Variants in PAPSS2 observed in about 807,000 individuals in gnomAD.
PAPSS2 encodes the protein 3'-phosphoadenosine 5'-phosphosulfate synthase 2.
Under a neutral mutation model 66.5 loss-of-function variants are expected in PAPSS2, and 61 were observed. The ratio of observed to expected loss-of-function variants is 0.92; its 90% CI spans 0.75 to 1.14. PAPSS2 has a LOEUF of 1.14. Among genes scored for constraint, PAPSS2 ranks in the 50% most tolerant of loss-of-function variants. The pLI is 0.00. For synonymous variants in PAPSS2, 289 were observed against 287.5 expected (o/e 1.01, Z -0.05); for missense variants, 708 against 789.6 (o/e 0.90, Z 1.24).
intron 1 of PAPSS2, among the ~76,000 whole-genome samples, chr10:87,664,983 AT>A (rs777184760): frequency 2.6e-5 from 4 of 152,062 alleles, no homozygotes; most frequent in East Asian, 1.9e-4. Flanking sequence ...TCATTAGAGG[AT>A]GTATTTGCTC....
At chr10:87,695,357 C>T (rs573961263) in intron 1 of PAPSS2, among the ~76,000 whole-genome samples, 1 of 152,172 alleles carries the variant, frequency 6.6e-6, no homozygotes, top group Non-Finnish European at 1.5e-5. Flanking sequence ...CCAACCCAAT[C>T]CTATCACATT....
At chr10:87,662,463 A>G (rs1195156925) in intron 1 of PAPSS2, among the ~76,000 whole-genome samples, 1 of 152,190 alleles carries the variant, frequency 6.6e-6, no homozygotes. Flanking sequence ...TGTTTTATGC[A>G]TCTTTACCAT....
intron 1 of PAPSS2, among the ~76,000 whole-genome samples, chr10:87,689,667 C>CAA (rs536306316): frequency 0.16 from 11,628 of 74,234 alleles, 778 homozygotes; most frequent in South Asian, 0.29. Flanking sequence ...AACCTTGTCT[C>CAA]AAAAAAAAAA....
chr10:87,672,459 A>G (rs1189172153), intron 1 of PAPSS2, among the ~76,000 whole-genome samples: 1 of 152,200 alleles, frequency 6.6e-6, no homozygotes, highest in East Asian at 1.9e-4. Flanking sequence ...TTGTACATTC[A>G]AGGTTTTCTA....
chr10:87,693,362 G>A (rs1853194562), intron 1 of PAPSS2, among the ~76,000 whole-genome samples: 1 of 152,200 alleles, frequency 6.6e-6, no homozygotes, highest in African/African-American at 2.4e-5. Context: ...AGTAGCAGCT[G>A]AATGAATTTT....
intron 2 of PAPSS2, among the ~76,000 whole-genome samples, chr10:87,710,399 C>T (rs1440717046): frequency 6.6e-6 from 1 of 152,158 alleles, no homozygotes; most frequent in African/African-American, 2.4e-5. Context: ...TATGCACCAT[C>T]CTTCTGTCAT....
At chr10:87,708,977 A>C (rs1240000423) in intron 1 of PAPSS2, among the ~76,000 whole-genome samples, 1 of 152,228 alleles carries the variant, frequency 6.6e-6, no homozygotes, top group African/African-American at 2.4e-5. Flanking sequence ...AGCTAAGAAA[A>C]ATATATATAC....
chr10:87,701,292 C>A (rs1391472463), intron 1 of PAPSS2, among the ~76,000 whole-genome samples: 1 of 139,030 alleles, frequency 7.2e-6, no homozygotes, highest in Non-Finnish European at 1.6e-5. Flanking sequence ...TTCTTTCTTT[C>A]TTTCTTTTTT....
chr10:87,729,766 G>A (rs1485294137), intron 9 of PAPSS2, among the ~76,000 whole-genome samples: 2 of 152,174 alleles, frequency 1.3e-5, no homozygotes, highest in Non-Finnish European at 2.9e-5. Context: ...GGAGGCCAGG[G>A]TGGGCGGATC....
chr10:87,734,663 GTATATATATATATATATA>G (rs66686947), intron 9 of PAPSS2, among the ~76,000 whole-genome samples: 56 of 81,114 alleles, frequency 6.9e-4, no homozygotes, highest in South Asian at 6.4e-3. Context: ...GAATGTGTGT[GTATATATATATATATATA>G]TATATATATA....
intron 1 of PAPSS2, among the ~76,000 whole-genome samples, chr10:87,677,574 GCC>G (rs1208635996): frequency 6.6e-6 from 1 of 152,168 alleles, no homozygotes; most frequent in East Asian, 1.9e-4. Flanking sequence ...TCTACAGCAA[GCC>G]CTGTAACCAG....
intron 1 of PAPSS2, 31 bp from the exon 2 acceptor site, chr10:87,709,165 A>C (rs566068599): frequency 2.1e-6 from 3 of 1,405,932 alleles, no homozygotes; most frequent in Non-Finnish European, 3.0e-6. Context: ...TTATTAATTA[A>C]TACTGTGCTT....
chr10:87,699,235 T>C (rs1269926093), intron 1 of PAPSS2, among the ~76,000 whole-genome samples: 1 of 146,130 alleles, frequency 6.8e-6, no homozygotes, highest in Admixed American at 6.8e-5. Flanking sequence ...CATTTCATTA[T>C]ATATTTTAAA....
chr10:87,668,567 T>G (rs1331732911), intron 1 of PAPSS2, among the ~76,000 whole-genome samples: 1 of 152,172 alleles, frequency 6.6e-6, no homozygotes, highest in Non-Finnish European at 1.5e-5. Context: ...AGCAATAAAA[T>G]TCCCAATTGA....
At chr10:87,728,489 CA>C (rs1853686972) in intron 9 of PAPSS2, among the ~76,000 whole-genome samples, 1 of 152,142 alleles carries the variant, frequency 6.6e-6, no homozygotes, top group South Asian at 2.1e-4. Context: ...CCTGTAATCC[CA>C]GTACTTTGGG....
chr10:87,690,909 G>A (rs1853164190), intron 1 of PAPSS2, among the ~76,000 whole-genome samples: 1 of 152,100 alleles, frequency 6.6e-6, no homozygotes, highest in Non-Finnish European at 1.5e-5. Flanking sequence ...GCCACTGGTG[G>A]AATCAGTATG....
In PAPSS2 at chr10:87,715,743, G is replaced by A; in HGVS notation, c.765G>A (p.Gln255=). ...TTTGTGTTTTGCAGCTGGATCTCCA[G>A]TGGGTCCAGGTTTTGAGCGAAGGCT... ...PSLSITKLDL[Q]WVQVLSEGWA... Residue 255 remains glutamine, a synonymous_variant, in exon 7 of 13, where the codon CAG becomes CAA. Transcript: ENST00000456849. The A allele has an allele frequency of 6.2e-7, 1 of 1,611,380 alleles. No individual in the cohort carries two copies. The highest frequency in any genetic ancestry group is 1.3e-5 in the African/African-American group (1 of 75,008).
chr10:87,730,565 G>T (rs1564726367), intron 9 of PAPSS2, among the ~76,000 whole-genome samples: 1 of 152,176 alleles, frequency 6.6e-6, no homozygotes, highest in Non-Finnish European at 1.5e-5. Flanking sequence ...TATCAATGTA[G>T]ATTTTCTCTT....
chr10:87,696,877 G>A (rs1040570717), intron 1 of PAPSS2, among the ~76,000 whole-genome samples: 1 of 152,218 alleles, frequency 6.6e-6, no homozygotes, highest in African/African-American at 2.4e-5. Context: ...CAGAAAAGTT[G>A]AGAAGATGGT....
Sources: allele counts gnomAD v4.1 joint callset (sites outside exome capture counted in the v4.1 genomes callset), GRCh38; gene constraint gnomAD v4.1.1; transcripts MANE v1.5; gene names NCBI Gene and HGNC (gene_info 2026-07-23, HGNC 2026-07-21).